EPM2A: variants seen among roughly 807,000 people sequenced by gnomAD.
The protein encoded by EPM2A is EPM2A glucan phosphatase, laforin.
A neutral mutation model predicts 26.5 loss-of-function variants in EPM2A; 21 were observed. The ratio of observed to expected loss-of-function variants is 0.79; its 90% confidence interval spans 0.56 to 1.14. The LOEUF is 1.14. Ranked by LOEUF, EPM2A falls within the 50% of genes most tolerant of loss-of-function variation. EPM2A has a pLI of 0.00. For synonymous variants in EPM2A, 217 were observed against 177.6 expected (o/e 1.22, Z -1.76); for missense variants, 458 against 440.8 (o/e 1.04, Z -0.35).
At chr6:145,631,181 G>C (rs1359904270) in intron 3 of EPM2A, 1 of 151,762 alleles carries the variant, frequency 6.6e-6, no homozygotes, top group Admixed American at 6.6e-5. Context: ...ACCCATTCTA[G>C]GAAGTCTAAC....
At chr6:145,679,498 G>A (rs1335559185) in intron 2 of EPM2A, among the ~76,000 whole-genome samples, 1 of 151,642 alleles carries the variant, frequency 6.6e-6, no homozygotes, top group Non-Finnish European at 1.5e-5. Flanking sequence ...GAAAACTCAG[G>A]CCAGAGACCC....
At chr6:145,603,198 G>A in intron 2 of EPM2A, among the ~76,000 whole-genome samples, 1 of 151,820 alleles carries the variant, frequency 6.6e-6, no homozygotes, top group East Asian at 1.9e-4. Context: ...CATCATTTCT[G>A]GCTGTGACAT....
chr6:145,415,630 GATA>G (rs1778698119), intron 4 of EPM2A, among the ~76,000 whole-genome samples: 1 of 152,132 alleles, frequency 6.6e-6, no homozygotes, highest in Non-Finnish European at 1.5e-5. Context: ...ATGTGATGAT[GATA>G]ATAATGTTAA....
chr6:145,420,420 C>T lies in EPM2A; in HGVS notation c.556-36323G>A, dbSNP rs370153298. On this transcript the variant is annotated intron_variant, in intron 4 of 4. Transcript: ENST00000638717. ...CAATAATTTCAGTGGTTTATGCATG[C>T]ATATAATTATGGATGTAACTTCATC... Among the ~76,000 whole-genome samples the T allele has an allele frequency of 6.6e-5, 10 of 152,218 alleles. No homozygotes were observed. The South Asian group carries it at 2.1e-3, about 32-fold the overall frequency.
At chr6:145,407,464 G>A (rs80241115) in intron 4 of EPM2A, among the ~76,000 whole-genome samples, 2,071 of 152,070 alleles carry the variant, frequency 0.014, 34 homozygotes, top group African/African-American at 0.045. Context: ...GACATAATGA[G>A]AGCAAATCAA....
At chr6:145,553,986 CA>C (rs936517160) in intron 2 of EPM2A, among the ~76,000 whole-genome samples, 3 of 151,342 alleles carry the variant, frequency 2.0e-5, no homozygotes, top group African/African-American at 7.3e-5. Flanking sequence ...AACAGTTGTA[CA>C]AAAATTATGT....
At chr6:145,580,357 A>C (rs1781095487) in intron 2 of EPM2A, among the ~76,000 whole-genome samples, 1 of 152,172 alleles carries the variant, frequency 6.6e-6, no homozygotes, top group African/African-American at 2.4e-5. Context: ...AAAGAAATCT[A>C]ACTGTAACCT....
In EPM2A at chr6:145,466,785, T is replaced by C. The variant is rs1471068862; in HGVS notation, c.555+35737A>G. On this transcript the variant is annotated intron_variant, in intron 4 of 4. Coordinates refer to the EPM2A transcript ENST00000638717. ...TAAACTGGATTAAGAAAATGTGGCA[T>C]ATATACACCATGGAATACTATGCAG... Among the ~76,000 whole-genome samples, 15 of 152,202 alleles carry C rather than the reference T, an allele frequency of 9.9e-5. No homozygotes were observed. In the East Asian group the frequency reaches 1.2e-3, roughly 12 times the overall value.
intron 4 of EPM2A, among the ~76,000 whole-genome samples, chr6:145,418,130 G>C (rs574826191): frequency 5.3e-5 from 8 of 152,238 alleles, no homozygotes; most frequent in Non-Finnish European, 1.2e-4. Flanking sequence ...GCACATTTCT[G>C]TTCTCCATCT....
At chr6:145,610,797 A>C (rs1048659263) in intron 2 of EPM2A, among the ~76,000 whole-genome samples, 4 of 152,228 alleles carry the variant, frequency 2.6e-5, no homozygotes, top group African/African-American at 9.6e-5. Context: ...AATAGTGGTC[A>C]GAGCAAAAGT....
At chr6:145,419,179 G>GCA (rs1266559813) in intron 4 of EPM2A, among the ~76,000 whole-genome samples, 1 of 136,212 alleles carries the variant, frequency 7.3e-6, no homozygotes, top group Non-Finnish European at 1.6e-5. Flanking sequence ...TCTGTTAAAT[G>GCA]TCCCCCCCCC....
At chr6:145,446,010 G>T (rs75418278) in intron 4 of EPM2A, among the ~76,000 whole-genome samples, 2 of 152,294 alleles carry the variant, frequency 1.3e-5, no homozygotes, top group South Asian at 2.1e-4. Context: ...TAACTATACT[G>T]AGAGAACAAT....
At chr6:145,734,203 T>A (rs375017001) in intron 1 of EPM2A, among the ~76,000 whole-genome samples, 107 of 152,342 alleles carry the variant, frequency 7.0e-4, no homozygotes, top group African/African-American at 2.4e-3. Context: ...AGAACCTAAA[T>A]GCACATTGGT....
chr6:145,418,450 T>A (rs1437251119), intron 4 of EPM2A, among the ~76,000 whole-genome samples: 2 of 152,128 alleles, frequency 1.3e-5, no homozygotes, highest in Non-Finnish European at 2.9e-5. Context: ...GAAAAGAGAA[T>A]CTCTGCTGTG....
chr6:145,406,945 A>C (rs1337458720), intron 4 of EPM2A, among the ~76,000 whole-genome samples: 1 of 152,146 alleles, frequency 6.6e-6, no homozygotes, highest in Non-Finnish European at 1.5e-5. Flanking sequence ...ATCTAGAAGA[A>C]GCAAACATTT....
chr6:145,494,578 G>T (rs1016649880), intron 4 of EPM2A, among the ~76,000 whole-genome samples: 1 of 152,018 alleles, frequency 6.6e-6, no homozygotes, highest in Non-Finnish European at 1.5e-5. Flanking sequence ...TGGGACGTTA[G>T]GTTGTTAACT....
intron 1 of EPM2A, among the ~76,000 whole-genome samples, chr6:145,708,082 G>T (rs1016912513): frequency 1.1e-4 from 17 of 152,160 alleles, no homozygotes; most frequent in Middle Eastern, 3.2e-3. Context: ...CGCACCATTT[G>T]GGCCCTGCCC....
At chr6:145,580,642 G>C (rs1781100616) in intron 2 of EPM2A, among the ~76,000 whole-genome samples, 1 of 152,088 alleles carries the variant, frequency 6.6e-6, no homozygotes, top group African/African-American at 2.4e-5. Context: ...ATACCTGATA[G>C]GTGGTTTTTC....
At chr6:145,685,110 A>G (rs753842530) in intron 2 of EPM2A, among the ~76,000 whole-genome samples, 4 of 152,216 alleles carry the variant, frequency 2.6e-5, no homozygotes, top group Non-Finnish European at 5.9e-5. Context: ...CTTACATAAT[A>G]TTTTAAATGT....
Sources: allele counts gnomAD v4.1 joint callset (sites outside exome capture counted in the v4.1 genomes callset), GRCh38; gene constraint gnomAD v4.1.1; transcripts MANE v1.5; gene names NCBI Gene and HGNC (gene_info 2026-07-23, HGNC 2026-07-21).